Variants in ADCY7 observed in about 807,000 individuals in gnomAD.
ADCY7 encodes adenylate cyclase type 7.
ADCY7 carries 72 observed loss-of-function variants against 120.6 expected under a neutral mutation model. That is an observed-to-expected ratio of 0.60 (90% CI 0.49 to 0.73). The LOEUF (loss-of-function observed/expected upper bound fraction) is 0.73, where lower values mean the gene tolerates loss of function less well. Ranked by LOEUF, ADCY7 falls within the 30% of genes least tolerant of loss-of-function variation. ADCY7 has a pLI of 0.00. For synonymous variants in ADCY7, 661 were observed against 628.0 expected (o/e 1.05, Z -0.78); for missense variants, 1,227 against 1,486.0 (o/e 0.83, Z 2.87).
intron 1 of ADCY7, among the ~76,000 whole-genome samples, chr16:50,279,974 G>C (rs2034148646): frequency 6.6e-6 from 1 of 152,130 alleles, no homozygotes; most frequent in Admixed American, 6.5e-5. Flanking sequence ...AGTTAGGGAG[G>C]AGTCCCTCTT....
intron 1 of ADCY7, among the ~76,000 whole-genome samples, chr16:50,280,210 T>C (rs761117101): frequency 3.3e-5 from 5 of 152,190 alleles, no homozygotes; most frequent in Non-Finnish European, 7.3e-5. Flanking sequence ...TTAGGTTTTC[T>C]AGTTTTTGTG....
intron 4 of ADCY7, 40 bp downstream of exon 4, chr16:50,291,937 T>C (rs1403072520): frequency 1.2e-5 from 19 of 1,567,844 alleles, no homozygotes; most frequent in Non-Finnish European, 1.6e-5. Context: ...GGTTTTGTGG[T>C]CTGGGTCTAA....
intron 4 of ADCY7, among the ~76,000 whole-genome samples, chr16:50,292,462 G>A (rs1340334346): frequency 6.6e-6 from 1 of 152,156 alleles, no homozygotes; most frequent in East Asian, 1.9e-4. Context: ...CTGCCTCCCT[G>A]GGTGTCCTGG....
intron 7 of ADCY7, among the ~76,000 whole-genome samples, chr16:50,295,335 C>G (rs1417719258): frequency 7.3e-6 from 1 of 136,968 alleles, no homozygotes; most frequent in African/African-American, 2.7e-5. Context: ...TGCACCACCA[C>G]GCCTGGCTAA....
intron 1 of ADCY7, among the ~76,000 whole-genome samples, chr16:50,283,408 G>T (rs1459493564): frequency 6.6e-6 from 1 of 152,162 alleles, no homozygotes; most frequent in Non-Finnish European, 1.5e-5. Context: ...GACAGTGTCA[G>T]GTCACCGACA....
chr16:50,294,502 A>G (rs867597341), intron 6 of ADCY7, 138 bp from the exon 7 acceptor site: 44 of 602,990 alleles, frequency 7.3e-5, no homozygotes, highest in Middle Eastern at 8.7e-4. Context: ...TCCCATCCCT[A>G]TGGAGGCTGA....
At chr16:50,244,937 GA>G (rs1280209716), upstream of ADCY7, among the ~76,000 whole-genome samples, 1 of 150,260 alleles carries the variant, frequency 6.7e-6, no homozygotes, top group Non-Finnish European at 1.5e-5. Flanking sequence ...CTGCTGCTGG[GA>G]TGTAAGTCTC....
chr16:50,255,402 G>GAAAAAAAAAAAAAAAAAAAAAAAAAA (rs60335173), intron 1 of ADCY7, among the ~76,000 whole-genome samples: 1 of 108,142 alleles, frequency 9.2e-6, no homozygotes, highest in African/African-American at 3.7e-5. Flanking sequence ...TCTGTTTCTG[G>GAAAAAAAAAAAAAAAAAAAAAAAAAA]AAAAAAAAAA....
chr16:50,290,572 T>C lies in ADCY7; in HGVS notation c.287T>C (p.Leu96Ser), dbSNP rs1405507528. 6.2e-7 allele frequency: 1 copy of C among 1,614,180 alleles called. No individual in the cohort carries two copies. The highest frequency in any genetic ancestry group is 1.7e-5 in the Admixed American group (1 of 60,028). The change falls in exon 3 of 26, where the codon TTG becomes TCG. Residue 96 changes from leucine to serine, a missense_variant. By Grantham distance (145) the Leu-to-Ser change is moderately radical. Transcript: ENST00000673801. ...ECLLRRWLRALALLTWACLVA... is the reference protein window; with the variant it reads ...ECLLRRWLRASALLTWACLVA... Reference sequence around the variant, plus strand: ...CTCCTGCGGCGCTGGCTCAGGGCCTTGGCGCTGCTCACCTGGGCCTGCTTG... The same window carrying C: ...CTCCTGCGGCGCTGGCTCAGGGCCTCGGCGCTGCTCACCTGGGCCTGCTTG...
Position 50,304,546 on chromosome 16 carries a change from C to T in ADCY7, c.1555C>T (p.Pro519Ser), listed in dbSNP as rs781706885. 13 of 1,540,858 alleles carry T rather than the reference C, an allele frequency of 8.4e-6. No homozygotes were observed. Among genetic ancestry groups the T allele is most frequent in the Middle Eastern group, 1.8e-4 (1 of 5,706 alleles). Residue 519 changes from proline to serine, a missense_variant, in exon 11 of 26, where the codon CCT becomes TCT. By Grantham distance (74) the Pro-to-Ser change is moderately conservative. Coordinates refer to ENST00000673801, the MANE Select transcript of ADCY7 (RefSeq NM_001114.5). ...GACCCACGTCCCCAACGGGCGGAGGCCTAAGGTAGGTCCCCCTCCCACCCA... is the reference window on the plus strand; with the variant it reads ...GACCCACGTCCCCAACGGGCGGAGGTCTAAGGTAGGTCCCCCTCCCACCCA... ...GETHVPNGRR[P>S]KSVPQRHRRT...
chr16:50,248,395 G>A (rs2032654633), intron 1 of ADCY7, among the ~76,000 whole-genome samples: 1 of 152,232 alleles, frequency 6.6e-6, no homozygotes, highest in African/African-American at 2.4e-5. Flanking sequence ...GCAAGGGGTG[G>A]CCTGTGTCTG....
chr16:50,257,947 G>A (rs927569946), intron 1 of ADCY7, among the ~76,000 whole-genome samples: 7 of 151,990 alleles, frequency 4.6e-5, no homozygotes, highest in South Asian at 2.1e-4. Flanking sequence ...ATTTCACCAC[G>A]TTGCCCAGGC....
intron 22 of ADCY7, 41 bp downstream of exon 22, chr16:50,313,077 A>G (rs1478806701): frequency 1.2e-6 from 2 of 1,606,770 alleles, no homozygotes; most frequent in African/African-American, 1.3e-5. Flanking sequence ...GCCCCCACCC[A>G]TGCTGGAGAG....
In ADCY7 at chr16:50,305,511, C is replaced by A. The variant is rs1304454162; in HGVS notation, c.1604C>A (p.Ser535Tyr). Residue 535 changes from serine to tyrosine, a missense_variant, in exon 13 of 26, where the codon TCC becomes TAC. Ser to Tyr is a moderately radical substitution (Grantham distance 144, BLOSUM62 -2). Around this residue, in one of 5 missense-constraint regions of ADCY7, gnomAD observed 332 missense variants for 455.8 expected, o/e 0.73. Coordinates refer to ENST00000673801, the MANE Select transcript of ADCY7 (RefSeq NM_001114.5). Reference sequence around the variant, plus strand: ...TGGGTATCTGATTCCAGAAGCATGTCCCCCAAGGGGCGGTCGGAGGATGAC... The same window carrying A: ...TGGGTATCTGATTCCAGAAGCATGTACCCCAAGGGGCGGTCGGAGGATGAC... ...RHRRTPDRSM[S>Y]PKGRSEDDSY... 6.2e-7 allele frequency: 1 copy of A among 1,612,466 alleles called. No individual in the cohort carries two copies. Among genetic ancestry groups the A allele is most frequent in the Non-Finnish European group, 8.5e-7 (1 of 1,179,338 alleles).
intron 15 of ADCY7, 69 bp downstream of exon 15, chr16:50,307,216 G>A: frequency 6.8e-7 from 1 of 1,472,666 alleles, no homozygotes; most frequent in Non-Finnish European, 9.3e-7. Flanking sequence ...CTATGAACCT[G>A]CAAGGAGCTG....
intron 18 of ADCY7, 162 bp from the exon 19 acceptor site, chr16:50,310,525 C>G (rs1477199599): frequency 1.3e-6 from 2 of 1,541,638 alleles, no homozygotes; most frequent in African/African-American, 2.7e-5. Context: ...GAAAACAACA[C>G]TGGACACTCT....
rs1394023706 is a variant in ADCY7, at chr16:50,310,575, G to A, written c.2161-112G>A. On this transcript the variant is annotated intron_variant, in intron 18 of 25. Transcript: ENST00000673801. ...TTTTGTTGAGAAGGGAGGTGGTAAGGCAAGAGCGTGATGCTGAGGTGCAGG... is the reference window on the plus strand; with the variant it reads ...TTTTGTTGAGAAGGGAGGTGGTAAGACAAGAGCGTGATGCTGAGGTGCAGG... The A allele has an allele frequency of 4.4e-6, 7 of 1,573,286 alleles. No individual in the cohort carries two copies. In the Admixed American group the frequency reaches 5.6e-5, roughly 13 times the overall value.
chr16:50,293,964 G>T (rs1199464631), intron 6 of ADCY7, among the ~76,000 whole-genome samples: 1 of 152,132 alleles, frequency 6.6e-6, no homozygotes, highest in African/African-American at 2.4e-5. Context: ...GTCAAGTGTC[G>T]ATGTGGGTGC....
rs763894415 is a variant in ADCY7, at chr16:50,304,355, C to T, written c.1369-5C>T. On this transcript the variant is annotated splice_polypyrimidine_tract_variant and splice_region_variant and intron_variant, in intron 10 of 25. Coordinates refer to ENST00000673801, the MANE Select transcript of ADCY7 (RefSeq NM_001114.5). ...GCACAGGCCCATGTCCATGTCTGCC[C>T]GCAGAGCCAGCAGCCACCCCCGCCC... is the stretch of plus-strand genomic sequence containing the variant. 6.6e-6 allele frequency: 10 copies of T among 1,507,156 alleles called. No homozygotes were observed. The highest frequency in any genetic ancestry group is 4.7e-5 in the East Asian group (2 of 42,428). 93.4% of individuals were successfully genotyped at this position (1,507,156 alleles called of 1,614,324 possible). A position where few individuals can be genotyped will look rare whatever the true frequency, so the allele number is the denominator to read the frequency against.
Sources: gnomAD v4.1 joint callset for allele counts (sites outside exome capture counted in the v4.1 genomes callset) on GRCh38, gnomAD v4.1.1 for gene constraint, gnomAD v4.1.1 regional missense constraint, MANE v1.5 for transcripts, NCBI Gene and HGNC (gene_info 2026-07-23, HGNC 2026-07-21) for gene names.